RAPGEF2: variants seen among roughly 807,000 people sequenced by gnomAD.
RAPGEF2 encodes Rap guanine nucleotide exchange factor 2.
A neutral mutation model predicts 186.7 loss-of-function variants in RAPGEF2; 54 were observed. That is an observed-to-expected ratio of 0.29 (90% CI 0.23 to 0.36). The LOEUF is 0.36. Among genes scored for constraint, RAPGEF2 ranks in the 10% least tolerant of loss-of-function variants. RAPGEF2 has a pLI of 1.00. For synonymous variants in RAPGEF2, 712 were observed against 705.9 expected (o/e 1.01, Z -0.14); for missense variants, 1,532 against 2,045.0 (o/e 0.75, Z 4.84).
intron 1 of RAPGEF2, among the ~76,000 whole-genome samples, chr4:159,164,323 T>C (rs1470663387): frequency 1.3e-5 from 2 of 150,526 alleles, no homozygotes; most frequent in Non-Finnish European, 3.0e-5. Flanking sequence ...TTTTTTTCCT[T>C]CTTCTTCTTT....
chr4:159,135,463 A>G (rs148023593), intron 1 of RAPGEF2, among the ~76,000 whole-genome samples: 1 of 152,324 alleles, frequency 6.6e-6, no homozygotes, highest in African/African-American at 2.4e-5. Context: ...GCTCTTATGA[A>G]TGATGCTGTT....
At chr4:159,292,115 A>G (rs1761305042) in intron 7 of RAPGEF2, among the ~76,000 whole-genome samples, 1 of 152,028 alleles carries the variant, frequency 6.6e-6, no homozygotes. Flanking sequence ...TGAATTATTG[A>G]CTCGTACATT....
At chr4:159,290,722 C>T (rs948038127) in intron 7 of RAPGEF2, among the ~76,000 whole-genome samples, 2 of 150,224 alleles carry the variant, frequency 1.3e-5, no homozygotes, top group Non-Finnish European at 3.0e-5. Flanking sequence ...GTCATTCAGA[C>T]TATTCATTTA....
At chr4:159,222,649 G>A (rs543644280) in intron 4 of RAPGEF2, among the ~76,000 whole-genome samples, 12 of 152,178 alleles carry the variant, frequency 7.9e-5, no homozygotes, top group Non-Finnish European at 1.6e-4. Context: ...TGTTTTTGGA[G>A]AAGGGATAGA....
At chr4:159,201,680 C>G (rs970385376) in intron 3 of RAPGEF2, among the ~76,000 whole-genome samples, 9 of 152,100 alleles carry the variant, frequency 5.9e-5, no homozygotes, top group Non-Finnish European at 1.3e-4. Context: ...GAGGGGAACC[C>G]GCAGAATGTG....
chr4:159,233,136 C>T (rs970090441), intron 4 of RAPGEF2, among the ~76,000 whole-genome samples: 2 of 152,254 alleles, frequency 1.3e-5, no homozygotes, highest in African/African-American at 2.4e-5. Flanking sequence ...TAAGGCCCTT[C>T]GATGCAGAGT....
intron 7 of RAPGEF2, among the ~76,000 whole-genome samples, chr4:159,253,770 C>A (rs1218688781): frequency 6.6e-6 from 1 of 152,000 alleles, no homozygotes; most frequent in South Asian, 2.1e-4. Context: ...AGATCGAGAC[C>A]ATCCTGGCTA....
At chr4:159,351,290 A>T in intron 26 of RAPGEF2, 2 of 1,237,668 alleles carry the variant, frequency 1.6e-6, no homozygotes, top group Non-Finnish European at 2.1e-6. Flanking sequence ...TGAGTGATTT[A>T]TTTTTCTGAA....
At chr4:159,127,093 C>T (rs1401001731) in intron 1 of RAPGEF2, among the ~76,000 whole-genome samples, 1 of 152,202 alleles carries the variant, frequency 6.6e-6, no homozygotes, top group Non-Finnish European at 1.5e-5. Context: ...GTGGTGCTAT[C>T]TTGGCTCACT....
chr4:159,294,051 C>T (rs1388921294), intron 7 of RAPGEF2, among the ~76,000 whole-genome samples: 4 of 152,176 alleles, frequency 2.6e-5, no homozygotes, highest in Non-Finnish European at 4.4e-5. Flanking sequence ...AATAGCTAGC[C>T]AGTCTCAGCC....
At chr4:159,313,363 T>A (rs1176179941) in intron 8 of RAPGEF2, among the ~76,000 whole-genome samples, 2 of 152,126 alleles carry the variant, frequency 1.3e-5, no homozygotes, top group African/African-American at 4.8e-5. Context: ...CTTGGAAAAA[T>A]TATTTCTCTT....
chr4:159,164,722 A>C (rs1168532920), intron 1 of RAPGEF2, among the ~76,000 whole-genome samples: 1 of 152,212 alleles, frequency 6.6e-6, no homozygotes, highest in Non-Finnish European at 1.5e-5. Context: ...AGTAAGCTTG[A>C]AACTGATATT....
At chr4:159,291,278 G>A (rs1189155886) in intron 7 of RAPGEF2, among the ~76,000 whole-genome samples, 2 of 152,144 alleles carry the variant, frequency 1.3e-5, no homozygotes, top group African/African-American at 4.8e-5. Flanking sequence ...ATCTGTGTGT[G>A]TGAGGATTGG....
chr4:159,333,885 C>CT (rs918271533), intron 17 of RAPGEF2, among the ~76,000 whole-genome samples: 4 of 152,146 alleles, frequency 2.6e-5, no homozygotes, highest in Admixed American at 1.3e-4. Flanking sequence ...ACTTCTTTTT[C>CT]TTTTTTAAAA....
chr4:159,196,721 T>C (rs1748690235), intron 3 of RAPGEF2, among the ~76,000 whole-genome samples: 1 of 152,248 alleles, frequency 6.6e-6, no homozygotes, highest in Non-Finnish European at 1.5e-5. Flanking sequence ...CATCACTGTT[T>C]GATAATTTAC....
intron 24 of RAPGEF2, among the ~76,000 whole-genome samples, chr4:159,345,958 G>A (rs904364559): frequency 2.0e-5 from 3 of 152,036 alleles, no homozygotes; most frequent in African/African-American, 7.3e-5. Context: ...TCTTCTGTAG[G>A]ATTTAATTTA....
At chr4:159,356,878 G>A (rs996308595) in intron 29 of RAPGEF2, among the ~76,000 whole-genome samples, 6 of 152,038 alleles carry the variant, frequency 3.9e-5, no homozygotes, top group Admixed American at 1.3e-4. Context: ...TCCAGCCTGG[G>A]TGACAGAGTG....
intron 1 of RAPGEF2, among the ~76,000 whole-genome samples, chr4:159,136,742 G>C (rs1741767127): frequency 1.3e-5 from 2 of 151,962 alleles, no homozygotes; most frequent in Admixed American, 6.5e-5. Flanking sequence ...AATAGTTTCT[G>C]GTGTTTGAAG....
chr4:159,106,911 T>C (rs997963218), intron 1 of RAPGEF2, among the ~76,000 whole-genome samples: 5 of 152,216 alleles, frequency 3.3e-5, no homozygotes, highest in Admixed American at 3.3e-4. Flanking sequence ...GAGCTTTTCA[T>C]GTCCACCTGC....
Sources: gnomAD v4.1 joint callset for allele counts (sites outside exome capture counted in the v4.1 genomes callset) on GRCh38, gnomAD v4.1.1 for gene constraint, MANE v1.5 for transcripts, NCBI Gene and HGNC (gene_info 2026-07-23, HGNC 2026-07-21) for gene names.